Variants in NR1I2 observed in about 807,000 individuals in gnomAD.
The protein encoded by NR1I2 is orphan nuclear receptor PAR1.
A neutral mutation model predicts 43.3 loss-of-function variants in NR1I2; 42 were observed. The observed-to-expected ratio is 0.97, with a 90% CI of 0.76 to 1.26. The LOEUF is 1.26. NR1I2 is among the 50% of genes most tolerant of loss of function. NR1I2 has a pLI of 0.00. For synonymous variants in NR1I2, 229 were observed against 215.0 expected, an observed-to-expected ratio of 1.06 and a Z score of -0.57; for missense variants, 559 against 566.7, an observed-to-expected ratio of 0.99 and a Z score of 0.14.
chr3:119,805,369 A>G (rs1349680890), intron 1 of NR1I2, among the ~76,000 whole-genome samples: 2 of 152,136 alleles, frequency 1.3e-5, no homozygotes, highest in Admixed American at 1.3e-4. Context: ...GTGCCTAGGT[A>G]TAAAGTGGAA....
intron 8 of NR1I2, among the ~76,000 whole-genome samples, chr3:119,816,166 T>C (rs760928196): frequency 6.6e-6 from 1 of 152,226 alleles, no homozygotes; most frequent in Non-Finnish European, 1.5e-5. Context: ...CTGAGTATTA[T>C]AGTGTGAACC....
chr3:119,810,294 G>A (rs888592246), intron 3 of NR1I2, 100 bp downstream of exon 3: 12 of 1,483,462 alleles, frequency 8.1e-6, no homozygotes, highest in African/African-American at 2.8e-5. Context: ...TGCGCGCCGA[G>A]TGTGCGCGTG....
chr3:119,783,165 G>A (rs900072679), intron 1 of NR1I2, among the ~76,000 whole-genome samples: 1 of 151,182 alleles, frequency 6.6e-6, no homozygotes, highest in East Asian at 1.9e-4. Context: ...TAATCAGTTG[G>A]TTAATGGGAA....
intron 1 of NR1I2, among the ~76,000 whole-genome samples, chr3:119,786,976 A>C (rs1168903572): frequency 6.6e-6 from 1 of 152,224 alleles, no homozygotes; most frequent in Admixed American, 6.5e-5. Context: ...GACAGGAAGA[A>C]TCAGAATAAG....
chr3:119,782,608 T>C, intron 1 of NR1I2: 1 of 632,850 alleles, frequency 1.6e-6, no homozygotes, highest in South Asian at 1.8e-5. Context: ...ACCAGCTCCC[T>C]GTTACAGGGC....
chr3:119,815,937 C>T (rs1476644698), intron 8 of NR1I2, 106 bp downstream of exon 8: 2 of 879,264 alleles, frequency 2.3e-6, no homozygotes, highest in South Asian at 2.8e-5. Flanking sequence ...TGGAGGTAGC[C>T]CCAGCCAGAC....
At chr3:119,785,293 T>C (rs11712211) in intron 1 of NR1I2, among the ~76,000 whole-genome samples, 109,737 of 152,082 alleles carry the variant, frequency 0.72, 42,248 homozygotes, top group East Asian at 1. Flanking sequence ...CTTTGGGACT[T>C]GTTGAGATTG....
At chr3:119,810,462 C>T (rs2055224289) in intron 3 of NR1I2, 1 of 552,806 alleles carries the variant, frequency 1.8e-6, no homozygotes, top group Non-Finnish European at 3.2e-6. Flanking sequence ...TGTCTCCCCT[C>T]AGTTGCTCCT....
Position 119,812,773 on chromosome 3 carries a change from C to T in NR1I2, c.607C>T (p.Arg203Trp), listed in dbSNP as rs201940328. The T allele has an allele frequency of 5.6e-5, 90 of 1,614,052 alleles. No individual in the cohort carries two copies. The highest frequency in any genetic ancestry group is 3.2e-4 in the Admixed American group (19 of 60,000). The change falls in exon 5 of 9, where the codon CGG becomes TGG. Residue 203 changes from arginine (R) to tryptophan (W), a missense_variant. Around this residue, in one of 3 missense-constraint regions of NR1I2, gnomAD observed 323 missense variants for 312.2 expected, o/e 1.03. Transcript: ENST00000393716. ...AGAAGCTGCCAAGTGGAGCCAGGTCCGGAAAGATCTGTGCTCTTTGAAGGT... is the reference window on the plus strand; with the variant it reads ...AGAAGCTGCCAAGTGGAGCCAGGTCTGGAAAGATCTGTGCTCTTTGAAGGT...
At chr3:119,791,142 G>T (rs2054912263) in intron 1 of NR1I2, among the ~76,000 whole-genome samples, 1 of 152,208 alleles carries the variant, frequency 6.6e-6, no homozygotes, top group Non-Finnish European at 1.5e-5. Context: ...ACTTAGCTCT[G>T]TCTGTATGTC....
chr3:119,792,830 G>A (rs538511130), intron 1 of NR1I2, among the ~76,000 whole-genome samples: 65 of 152,112 alleles, frequency 4.3e-4, no homozygotes, highest in African/African-American at 1.5e-3. Context: ...AGCTGAGATC[G>A]CGCCACTGCC....
intron 1 of NR1I2, among the ~76,000 whole-genome samples, chr3:119,790,243 C>CT (rs1298705416): frequency 3.3e-5 from 5 of 151,966 alleles, no homozygotes; most frequent in South Asian, 2.1e-4. Context: ...TTAGAATTTC[C>CT]TTTTTTTTAA....
rs548778264 is a variant in NR1I2, at chr3:119,802,971, T to C, written c.-22-4258T>C. 5.9e-4 allele frequency: 269 copies of C among 456,516 alleles called. 1 individual carries two copies. The highest frequency in any genetic ancestry group is 1.0e-3 in the Non-Finnish European group (232 of 226,956). 28.3% of individuals were successfully genotyped at this position (456,516 alleles called of 1,614,324 possible). A position where few individuals can be genotyped will look rare whatever the true frequency, so the allele number is the denominator to read the frequency against. ...TCCCCAGTGTGATGGCTTTAGAAGA[T>C]GGGGACTTTGGGGGGTGATTGGGTC... On this transcript the variant is annotated intron_variant, in intron 1 of 8. Transcript: ENST00000393716.
intron 5 of NR1I2, among the ~76,000 whole-genome samples, chr3:119,814,469 TC>T (rs1368094075): frequency 2.0e-5 from 3 of 151,964 alleles, no homozygotes; most frequent in Admixed American, 1.3e-4. Context: ...GAAGCAAACA[TC>T]CCCACTACTG....
intron 1 of NR1I2, chr3:119,792,133 G>C (rs72554012): frequency 0.026 from 21,269 of 808,356 alleles, 410 homozygotes; most frequent in Middle Eastern, 0.058. Context: ...CAGCTTCCTC[G>C]CATCTTCACC....
In NR1I2 at chr3:119,814,888, C is replaced by T. The variant is rs573138000; in HGVS notation, c.795-91C>T. 2.6e-5 allele frequency: 40 copies of T among 1,548,232 alleles called. No homozygotes were observed. The East Asian group carries it at 9.0e-4, about 35-fold the overall frequency. ...GAGCCATCCTCCCTCTTCCTCTCGC[C>T]CCCAACTTCTGGATTATGGGATGGC... On this transcript the variant is annotated intron_variant, in intron 5 of 8. Transcript: ENST00000393716.
intron 1 of NR1I2, among the ~76,000 whole-genome samples, chr3:119,798,803 T>C (rs984605376): frequency 7.2e-5 from 11 of 152,222 alleles, no homozygotes; most frequent in African/African-American, 2.7e-4. Flanking sequence ...AAATGCGGTC[T>C]TTGGGTATAC....
At chr3:119,805,616 T>C (rs1431008492) in intron 1 of NR1I2, among the ~76,000 whole-genome samples, 1 of 150,782 alleles carries the variant, frequency 6.6e-6, no homozygotes, top group Non-Finnish European at 1.5e-5. Flanking sequence ...GGCAGGAGAA[T>C]CGCTTGAGCC....
At chr3:119,790,877 T>C (rs569240099) in intron 1 of NR1I2, among the ~76,000 whole-genome samples, 1 of 152,214 alleles carries the variant, frequency 6.6e-6, no homozygotes, top group South Asian at 2.1e-4. Flanking sequence ...GTCTGCCAAC[T>C]TCAATGGGCT....
Sources: allele counts gnomAD v4.1 joint callset (sites outside exome capture counted in the v4.1 genomes callset), GRCh38; gene constraint gnomAD v4.1.1; regional missense constraint gnomAD v4.1.1; transcripts MANE v1.5; gene names NCBI Gene and HGNC (gene_info 2026-07-23, HGNC 2026-07-21).